Variants in BMP1 observed in about 807,000 individuals in gnomAD.
The protein encoded by BMP1 is bone morphogenetic protein 1.
A neutral mutation model predicts 116.8 loss-of-function variants in BMP1; 63 were observed. The ratio of observed to expected loss-of-function variants is 0.54; its 90% CI spans 0.44 to 0.67. BMP1 has a LOEUF of 0.67. BMP1 is among the 30% of genes least tolerant of loss of function. The pLI, the probability that BMP1 is intolerant of heterozygous loss-of-function variation, is 0.00. For synonymous variants in BMP1, 536 were observed against 533.4 expected (o/e 1.00, Z -0.07); for missense variants, 1,183 against 1,358.9 (o/e 0.87, Z 2.04).
At chr8:22,210,731 G>A (rs1425661871) in intron 19 of BMP1, among the ~76,000 whole-genome samples, 1 of 152,148 alleles carries the variant, frequency 6.6e-6, no homozygotes. Context: ...TGGCTGCCCT[G>A]GTGTCCCCTG....
At chr8:22,183,913 C>T (rs1043745180) in intron 8 of BMP1, among the ~76,000 whole-genome samples, 13 of 152,240 alleles carry the variant, frequency 8.5e-5, no homozygotes, top group African/African-American at 2.4e-4. Context: ...CCAACATTAT[C>T]GTACAGCAAC....
chr8:22,203,640 C>T (rs1488835173), intron 16 of BMP1, among the ~76,000 whole-genome samples: 2 of 152,200 alleles, frequency 1.3e-5, no homozygotes, highest in Non-Finnish European at 2.9e-5. Flanking sequence ...TAGCACCATG[C>T]TTGGCAAGTG....
At chr8:22,198,301 C>T (rs957954398) in intron 15 of BMP1, 17 of 152,274 alleles carry the variant, frequency 1.1e-4, no homozygotes, top group African/African-American at 4.1e-4. Context: ...CCACCTAAGG[C>T]CTGGGCTCCA....
intron 1 of BMP1, among the ~76,000 whole-genome samples, 187 bp downstream of exon 1, chr8:22,165,740 C>A (rs1310413002): frequency 6.6e-6 from 1 of 152,106 alleles, no homozygotes; most frequent in Non-Finnish European, 1.5e-5. Flanking sequence ...TGAAGTTTTG[C>A]CGCTGTTGGT....
Position 22,177,036 on chromosome 8 carries a change from C to T in BMP1, c.627C>T (p.Gly209=). 1 of 1,612,962 alleles carries T rather than the reference C, an allele frequency of 6.2e-7. No individual in the cohort carries two copies. Among genetic ancestry groups the T allele is most frequent in the African/African-American group, 1.3e-5 (1 of 75,042 alleles). The change falls in exon 5 of 20, where the codon GGC becomes GGT. Residue 209 remains glycine (G), a synonymous_variant. Transcript: ENST00000306385. The stretch of plus-strand genomic sequence containing the variant: ...TCGGCAAGAACTGTGACAAGTTCGG[C>T]ATTGTGGTCCACGAGCTGGGCCACG... ...ISIGKNCDKF[G]IVVHELGHVV...
chr8:22,202,253 TG>T (rs1829281298), intron 16 of BMP1, among the ~76,000 whole-genome samples: 1 of 152,232 alleles, frequency 6.6e-6, no homozygotes, highest in African/African-American at 2.4e-5. Context: ...GAAAGGATAG[TG>T]GGTAAGAGCA....
At chr8:22,167,089 A>C (rs2131834427) in intron 1 of BMP1, among the ~76,000 whole-genome samples, 1 of 152,198 alleles carries the variant, frequency 6.6e-6, no homozygotes, top group East Asian at 1.9e-4. Flanking sequence ...ACACACAGTC[A>C]GCGCTAAATA....
chr8:22,199,259 C>A, intron 15 of BMP1: 1 of 1,367,506 alleles, frequency 7.3e-7, no homozygotes, highest in Non-Finnish European at 9.8e-7. Context: ...ACTCTGGCCC[C>A]CCAGGAGGGG....
At chr8:22,204,184 G>A (rs542999695) in intron 16 of BMP1, among the ~76,000 whole-genome samples, 24 of 152,308 alleles carry the variant, frequency 1.6e-4, no homozygotes, top group Middle Eastern at 3.4e-3. Flanking sequence ...AGGCCAGAGC[G>A]CAAAGAGGGA....
intron 8 of BMP1, among the ~76,000 whole-genome samples, chr8:22,188,177 G>GTTTTTTT (rs759296888): frequency 3.2e-5 from 4 of 124,604 alleles, no homozygotes; most frequent in Admixed American, 1.6e-4. Flanking sequence ...CCAGTTTTGG[G>GTTTTTTT]TTTTTTTTTT....
intron 9 of BMP1, among the ~76,000 whole-genome samples, chr8:22,193,767 G>A (rs868783404): frequency 7.2e-5 from 11 of 152,330 alleles, no homozygotes; most frequent in African/African-American, 2.2e-4. Context: ...CTGGGTGACA[G>A]AGCGAGACTC....
At chr8:22,178,219 G>A (rs1347802387) in intron 6 of BMP1, among the ~76,000 whole-genome samples, 1 of 152,262 alleles carries the variant, frequency 6.6e-6, no homozygotes, top group Non-Finnish European at 1.5e-5. Flanking sequence ...CACTCTGCAA[G>A]CCCAGCAGTG....
chr8:22,171,898 C>T (rs561648657), intron 1 of BMP1, among the ~76,000 whole-genome samples: 5 of 152,316 alleles, frequency 3.3e-5, no homozygotes, highest in East Asian at 3.9e-4. Context: ...TCGAACATCC[C>T]GGAGTGCCTC....
chr8:22,209,472 T>G lies in BMP1; in HGVS notation c.2603T>G (p.Val868Gly). ...TECGGQVRAD[V>G]KTKDLYSHAQ... ...TGCGGGGGCCAGGTACGGGCAGACG[T>G]GAAGACCAAGGACCTTTACTCCCAC... is the stretch of plus-strand genomic sequence containing the variant. Residue 868 changes from valine to glycine, a missense_variant, in exon 19 of 20, where the codon GTG (valine) becomes GGG (glycine). By Grantham distance (109) the Val-to-Gly change is moderately radical (BLOSUM62 -3). Coordinates refer to ENST00000306385, the MANE Select transcript of BMP1 (RefSeq NM_006129.5). 6.2e-7 allele frequency: 1 copy of G among 1,614,156 alleles called. No individual in the cohort carries two copies.
chr8:22,192,890 C>T (rs1828975457), intron 9 of BMP1, among the ~76,000 whole-genome samples: 1 of 152,230 alleles, frequency 6.6e-6, no homozygotes, highest in African/African-American at 2.4e-5. Context: ...AACAGAACCT[C>T]TTCTCCTCAG....
intron 1 of BMP1, chr8:22,169,793 A>T (rs61240476): frequency 2.6e-5 from 4 of 152,256 alleles, no homozygotes; most frequent in Middle Eastern, 3.4e-3. Context: ...GAGACGGTGG[A>T]GTCCAGAGGT....
At chr8:22,206,339 T>C (rs1310168015) in intron 16 of BMP1, among the ~76,000 whole-genome samples, 1 of 151,932 alleles carries the variant, frequency 6.6e-6, no homozygotes, top group Non-Finnish European at 1.5e-5. Flanking sequence ...CCGTCTCTAC[T>C]AAAAATACAA....
chr8:22,190,887 G>C (rs754874759), intron 8 of BMP1, among the ~76,000 whole-genome samples: 16 of 152,108 alleles, frequency 1.1e-4, no homozygotes, highest in Middle Eastern at 3.2e-3. Context: ...TGAAACCATC[G>C]AGTGTCCGCT....
intron 13 of BMP1, chr8:22,196,053 A>T: frequency 2.6e-6 from 1 of 380,194 alleles, no homozygotes; most frequent in South Asian, 1.9e-5. Context: ...CAACCCCGAG[A>T]ACACACTGTC....
Sources: gnomAD v4.1 joint callset for allele counts (sites outside exome capture counted in the v4.1 genomes callset) on GRCh38, gnomAD v4.1.1 for gene constraint, MANE v1.5 for transcripts, NCBI Gene and HGNC (gene_info 2026-07-23, HGNC 2026-07-21) for gene names.